KRT39: variants seen among roughly 807,000 people sequenced by gnomAD.
The protein encoded by KRT39 is keratin 39.
KRT39 carries 47 observed loss-of-function variants against 54.8 expected under a neutral mutation model. That is an observed-to-expected ratio of 0.86 (90% confidence interval 0.68 to 1.09). The LOEUF (loss-of-function observed/expected upper bound fraction) is 1.09. Among genes scored for constraint, KRT39 ranks in the 50% least tolerant of loss-of-function variants. The pLI, the probability that KRT39 is intolerant of heterozygous loss-of-function variation, is 0.00. For missense variants in KRT39, 580 were observed against 598.5 expected, an observed-to-expected ratio of 0.97 and a Z score of 0.32; for synonymous variants, 207 against 227.9, an observed-to-expected ratio of 0.91 and a Z score of 0.83.
chr17:40,958,856 A>G lies in KRT39; in HGVS notation c.1221T>C (p.Arg407=). 2 of 1,576,096 alleles carry G rather than the reference A, an allele frequency of 1.3e-6. No individual in the cohort carries two copies. Among genetic ancestry groups the G allele is most frequent in the South Asian group, 1.2e-5 (1 of 86,396 alleles). Residue 407 remains arginine (R), a synonymous_variant, in exon 7 of 7, where the codon CGT becomes CGC. Coordinates refer to ENST00000355612, the MANE Select transcript of KRT39 (RefSeq NM_213656.4). Reference sequence around the variant, plus strand: ...ATTTGGTGGCACGTGGGTAACAGGGACGCCTAAGGAAAAAAAACACAATTT... The same window carrying G: ...ATTTGGTGGCACGTGGGTAACAGGGGCGCCTAAGGAAAAAAAACACAATTT... The part of the protein sequence containing the change: ...RSLLESSDGK[R]PCYPRATKCE...
chr17:40,960,466 CT>C lies in KRT39; in HGVS notation c.1031del (p.Glu344GlyfsTer8). The part of the protein sequence containing the change: ...DSQECILTET[E>X]ARYTALLTQI... The stretch of plus-strand genomic sequence containing the variant: ...GGGTCAGCAAGGCCGTGTAGCGAGC[CT>C]CTGTCTCCGTTAGGATGCACTCTTG... On this transcript the variant is annotated frameshift_variant, in exon 6 of 7. Coordinates refer to ENST00000355612, the MANE Select transcript of KRT39 (RefSeq NM_213656.4). LOFTEE classifies it high-confidence loss of function. The C allele has an allele frequency of 6.2e-7, 1 of 1,614,062 alleles. No homozygotes were observed. The highest frequency in any genetic ancestry group is 2.2e-5 in the East Asian group (1 of 44,856).
intron 1 of KRT39, 101 bp from the exon 2 acceptor site, chr17:40,964,629 A>G (rs1441713545): frequency 1.7e-5 from 13 of 784,424 alleles, no homozygotes; most frequent in Non-Finnish European, 3.0e-5. Flanking sequence ...GGGGAAGGCT[A>G]AGTAGACTTT....
intron 3 of KRT39, 71 bp from the exon 4 acceptor site, chr17:40,962,634 A>G: frequency 4.5e-6 from 6 of 1,336,244 alleles, no homozygotes; most frequent in Non-Finnish European, 6.3e-6. Flanking sequence ...TTTCACTCTA[A>G]CTGCTACGAT....
chr17:40,963,770 C>A lies in KRT39; in HGVS notation c.565G>T (p.Val189Leu), dbSNP rs762030463. 9 of 1,580,782 alleles carry A rather than the reference C, an allele frequency of 5.7e-6. No homozygotes were observed. Among genetic ancestry groups the A allele is most frequent in the Admixed American group, 3.4e-5 (2 of 59,146 alleles). ...DDLRAKYEAE[V>L]SLRQLVESDA... The stretch of plus-strand genomic sequence containing the variant: ...GACTCTACCAGCTGGCGTAGAGACA[C>A]CTCAGCTTCGTATCTTTAAAAACCA... Residue 189 changes from valine to leucine, a missense_variant, in exon 3 of 7, where the codon GTG becomes TTG. By Grantham distance (32) the Val-to-Leu change is conservative. Transcript: ENST00000355612.
At chr17:40,964,613 G>A in intron 1 of KRT39, 85 bp from the exon 2 acceptor site, 1 of 898,390 alleles carries the variant, frequency 1.1e-6, no homozygotes, top group East Asian at 2.4e-5. Context: ...TGTGTGTCAA[G>A]TAACAGGGGA....
intron 1 of KRT39, among the ~76,000 whole-genome samples, chr17:40,965,668 G>A (rs1216553191): frequency 6.6e-6 from 1 of 152,128 alleles, no homozygotes; most frequent in Non-Finnish European, 1.5e-5. Context: ...GATAACATAA[G>A]CATAAAAGGA....
intron 1 of KRT39, 125 bp downstream of exon 1, chr17:40,966,264 A>C: frequency 1.4e-6 from 1 of 711,052 alleles, no homozygotes; most frequent in Non-Finnish European, 2.4e-6. Flanking sequence ...CACTCAAGAA[A>C]TTTTTCTATT....
chr17:40,964,420 T>G, intron 2 of KRT39, 26 bp downstream of exon 2: 2 of 1,607,560 alleles, frequency 1.2e-6, no homozygotes, highest in South Asian at 2.2e-5. Context: ...AGCTCTGTCA[T>G]TGATGACGGT....
At position 40,966,624 on chromosome 17, in the gene KRT39, G is replaced by C; in HGVS notation, c.233C>G (p.Ala78Gly). 1.9e-6 allele frequency: 3 copies of C among 1,614,164 alleles called. No homozygotes were observed. Among genetic ancestry groups the C allele is most frequent in the Non-Finnish European group, 1.7e-6 (2 of 1,180,022 alleles). ...GCTGCAGTCATCCAGAGAAAAACGG[G>C]CATTGAAGTTGTTCATTAGGTAGAT... ...KPIYLMNNFN[A>G]RFSLDDCSWY... Residue 78 changes from alanine (A) to glycine (G), a missense_variant, in exon 1 of 7, where the codon GCC becomes GGC. Coordinates refer to ENST00000355612, the MANE Select transcript of KRT39 (RefSeq NM_213656.4).
chr17:40,966,488 T>C lies in KRT39; in HGVS notation c.369A>G (p.Glu123=). Residue 123 remains glutamate, a synonymous_variant, in exon 1 of 7, where the codon GAA becomes GAG. Transcript: ENST00000355612. ...TTTCTTCCTGGATTTTAGATTCCAG[T>C]TCAGCATTCTCTCGTTCTAGCATTC... is the stretch of plus-strand genomic sequence containing the variant. The part of the protein sequence containing the change: ...KVRMLERENA[E]LESKIQEESN... The C allele has an allele frequency of 6.2e-7, 1 of 1,614,180 alleles. No individual in the cohort carries two copies. Among genetic ancestry groups the C allele is most frequent in the Non-Finnish European group, 8.5e-7 (1 of 1,180,026 alleles).
chr17:40,964,309 T>A (rs1389563525), intron 2 of KRT39, 137 bp downstream of exon 2: 12 of 722,362 alleles, frequency 1.7e-5, no homozygotes, highest in Admixed American at 6.3e-5. Flanking sequence ...TTCATTGAAT[T>A]TGAAAGTCTT....
rs762192667 is a variant in KRT39 at position 40,958,734 on chromosome 17, C to G, written c.1343G>C (p.Cys448Ser). The G allele has an allele frequency of 1.2e-6, 2 of 1,614,006 alleles. No individual in the cohort carries two copies. The highest frequency in any genetic ancestry group is 2.2e-5 in the South Asian group (2 of 91,082). Residue 448 changes from cysteine to serine, a missense_variant, in exon 7 of 7, where the codon TGC becomes TCC. Physicochemically the swap from Cys to Ser is moderately radical, Grantham distance 112. Coordinates refer to ENST00000355612, the MANE Select transcript of KRT39 (RefSeq NM_213656.4). ...CCGGGACAGGGGTCCGCAGGCACTG[C>G]AGTGCTCCTTTAAGCTGCAGGGGGA... ...SSSPCSLKEHCSACGPLSRIL... is the reference protein window; with the variant it reads ...SSSPCSLKEHSSACGPLSRIL...
chr17:40,961,737 C>T (rs748260645), intron 5 of KRT39, among the ~76,000 whole-genome samples: 3 of 151,870 alleles, frequency 2.0e-5, no homozygotes, highest in African/African-American at 7.2e-5. Context: ...CACCCCCCCT[C>T]TTAGGATTGC....
chr17:40,964,231 A>G, intron 2 of KRT39: 1 of 558,584 alleles, frequency 1.8e-6, no homozygotes, highest in Non-Finnish European at 3.2e-6. Flanking sequence ...TGTGTAGGTA[A>G]TCAAATGGGT....
At chr17:40,958,917 A>G in intron 6 of KRT39, 58 bp from the exon 7 acceptor site, 1 of 1,506,404 alleles carries the variant, frequency 6.6e-7, no homozygotes, top group South Asian at 1.3e-5. Flanking sequence ...ATGGTCATGG[A>G]GAAAAATGAT....
intron 2 of KRT39, 40 bp from the exon 3 acceptor site, chr17:40,963,823 A>AGAT (rs753098674): frequency 6.6e-7 from 1 of 1,523,744 alleles, no homozygotes; most frequent in South Asian, 1.2e-5. Context: ...ATCTGAAAGG[A>AGAT]GATGATGCAA....
chr17:40,962,245 G>A lies in KRT39; in HGVS notation c.913C>T (p.Gln305Ter). Residue 305 changes from glutamine (Q) to a stop codon, truncating the protein, a stop_gained, in exon 5 of 7, where the codon CAG (glutamine) becomes TAG (stop). Transcript: ENST00000355612. LOFTEE classifies it high-confidence loss of function. Reference protein sequence around the residue: ...NQQVVTSSQQQQCCQKEIIEL... With the variant: ...NQQVVTSSQQ ...ATGATCTCCTTTTGGCAGCATTGCT[G>A]CTGTTGAGAGCTGGTCACCACTTGT... 6.2e-7 allele frequency: 1 copy of A among 1,614,196 alleles called. No homozygotes were observed. Among genetic ancestry groups the A allele is most frequent in the Non-Finnish European group, 8.5e-7 (1 of 1,180,036 alleles).
At chr17:40,964,315 GTC>G (rs1884670983) in intron 2 of KRT39, 129 bp downstream of exon 2, 1 of 738,142 alleles carries the variant, frequency 1.4e-6, no homozygotes, top group Middle Eastern at 3.6e-4. Flanking sequence ...GAATTTGAAA[GTC>G]TTTTCTGGGC....
In KRT39 at chr17:40,964,479, T is replaced by C. The variant is rs753969321; in HGVS notation, c.518A>G (p.Asn173Ser). 1.9e-6 allele frequency: 3 copies of C among 1,614,144 alleles called. No homozygotes were observed. Among genetic ancestry groups the C allele is most frequent in the Non-Finnish European group, 8.5e-7 (1 of 1,180,014 alleles). ...ENSRLVSQID[N>S]TKLTADDLRA... ...CAAGTCATCTGCAGTCAGTTTGGTG[T>C]TGTCAATTTGCGAGACCAGTCTGGA... The change falls in exon 2 of 7, where the codon AAC becomes AGC. Residue 173 changes from asparagine to serine, a missense_variant. Transcript: ENST00000355612.
Sources: gnomAD v4.1 joint callset for allele counts (sites outside exome capture counted in the v4.1 genomes callset) on GRCh38, gnomAD v4.1.1 for gene constraint, MANE v1.5 for transcripts, NCBI Gene and HGNC (gene_info 2026-07-23, HGNC 2026-07-21) for gene names.